The following GPC6 variants were observed in gnomAD, a reference collection of about 807,000 sequenced individuals.
GPC6 encodes the protein glypican 6, also known as glypican-6.
In GPC6, 14 loss-of-function variants were observed where a neutral mutation model predicts 55.2. The ratio of observed to expected loss-of-function variants is 0.25; its 90% confidence interval spans 0.17 to 0.40. The LOEUF is 0.40. GPC6 is among the 10% of genes least tolerant of loss of function. GPC6 has a pLI of 1.00. For synonymous variants in GPC6, 278 were observed against 259.6 expected, an observed-to-expected ratio of 1.07 and a Z score of -0.68; for missense variants, 641 against 708.5, an observed-to-expected ratio of 0.90 and a Z score of 1.08.
chr13:94,394,711 A>G (rs142022045), intron 7 of GPC6, among the ~76,000 whole-genome samples: 1 of 152,176 alleles, frequency 6.6e-6, no homozygotes, highest in African/African-American at 2.4e-5. Flanking sequence ...ATTTTCAGCT[A>G]TTTTAGGTTT....
At chr13:93,829,115 A>T (rs1314016554) in intron 2 of GPC6, among the ~76,000 whole-genome samples, 4 of 152,208 alleles carry the variant, frequency 2.6e-5, no homozygotes, top group African/African-American at 9.6e-5. Context: ...GACTATGAAG[A>T]GGTAAAGCAG....
At chr13:94,242,965 C>T (rs1891098655) in intron 4 of GPC6, among the ~76,000 whole-genome samples, 1 of 151,244 alleles carries the variant, frequency 6.6e-6, no homozygotes, top group South Asian at 2.1e-4. Context: ...AAAAAAAGTA[C>T]CACTTGTGGA....
chr13:94,273,459 A>T (rs1157919998), intron 4 of GPC6, among the ~76,000 whole-genome samples: 1 of 152,228 alleles, frequency 6.6e-6, no homozygotes, highest in Admixed American at 6.5e-5. Flanking sequence ...TGAGAGACTT[A>T]AAGAGAAGCT....
At chr13:93,444,069 A>C (rs1219378922) in intron 1 of GPC6, among the ~76,000 whole-genome samples, 1 of 152,180 alleles carries the variant, frequency 6.6e-6, no homozygotes, top group Admixed American at 6.5e-5. Flanking sequence ...CCAGCAGATA[A>C]TTATCAACAT....
chr13:93,901,762 G>C (rs911894538), intron 3 of GPC6, among the ~76,000 whole-genome samples: 8 of 151,746 alleles, frequency 5.3e-5, no homozygotes, highest in African/African-American at 1.9e-4. Context: ...GTAGCCGGGC[G>C]TGGTAGTGCG....
chr13:94,293,505 G>C (rs1477423375), intron 5 of GPC6, among the ~76,000 whole-genome samples: 2 of 152,178 alleles, frequency 1.3e-5, no homozygotes, highest in Admixed American at 1.3e-4. Flanking sequence ...GGGGAACTGT[G>C]AGTCAATTAA....
chr13:93,256,206 C>A (rs1164448924), intron 1 of GPC6, among the ~76,000 whole-genome samples: 2 of 147,894 alleles, frequency 1.4e-5, no homozygotes, highest in African/African-American at 5.0e-5. Context: ...ATACATGAAA[C>A]CTAATTTGCT....
rs1027940967 is a variant in GPC6 at position 94,145,122 on chromosome 13, T to C, written c.877+117228T>C. 3.0e-5 allele frequency among the ~76,000 whole-genome samples: 4 copies of C among 132,230 alleles called. No individual in the cohort carries two copies. In the South Asian group the frequency reaches 8.7e-4, roughly 29 times the overall value. The allele number at this position is 132,230 out of a possible 152,430, so 86.7% of individuals were successfully genotyped here. ...AAACACTCAACAAATATTTATTAAATGACTGGATGGATGGGTGGATGGATG... is the reference window on the plus strand; with the variant it reads ...AAACACTCAACAAATATTTATTAAACGACTGGATGGATGGGTGGATGGATG... On this transcript the variant is annotated intron_variant, in intron 4 of 8. Coordinates refer to ENST00000377047, the MANE Select transcript of GPC6 (RefSeq NM_005708.5).
chr13:93,995,749 C>T (rs752177024), intron 3 of GPC6, among the ~76,000 whole-genome samples: 1 of 152,098 alleles, frequency 6.6e-6, no homozygotes, highest in Non-Finnish European at 1.5e-5. Context: ...TATAAAGATA[C>T]CTTCTGAATA....
intron 4 of GPC6, among the ~76,000 whole-genome samples, chr13:94,190,177 G>T (rs1889341019): frequency 6.6e-6 from 1 of 151,844 alleles, no homozygotes; most frequent in South Asian, 2.1e-4. Context: ...ACAAAAATTA[G>T]CCAGGCATGG....
chr13:93,627,221 T>G (rs2074962303), intron 2 of GPC6, among the ~76,000 whole-genome samples: 1 of 152,096 alleles, frequency 6.6e-6, no homozygotes, highest in African/African-American at 2.4e-5. Context: ...TTCTCATTGT[T>G]CAGCTCCCAC....
chr13:94,273,724 G>A (rs893093387), intron 4 of GPC6, among the ~76,000 whole-genome samples: 4 of 152,146 alleles, frequency 2.6e-5, no homozygotes, highest in Admixed American at 2.6e-4. Flanking sequence ...GAGTTGCTTT[G>A]GGTTGGTCCA....
intron 1 of GPC6, among the ~76,000 whole-genome samples, chr13:93,487,949 T>C (rs1489305329): frequency 6.6e-6 from 1 of 152,136 alleles, no homozygotes; most frequent in Non-Finnish European, 1.5e-5. Flanking sequence ...ATCTATAACA[T>C]ATATATTATT....
At chr13:93,223,907 T>C (rs1875687197), upstream of GPC6, among the ~76,000 whole-genome samples, 3 of 142,832 alleles carry the variant, frequency 2.1e-5, no homozygotes, top group South Asian at 6.9e-4. Flanking sequence ...TTTTTTTTTT[T>C]TTTTTTTTTT....
chr13:93,740,797 C>G (rs1884174006), intron 2 of GPC6, among the ~76,000 whole-genome samples: 1 of 152,144 alleles, frequency 6.6e-6, no homozygotes, highest in South Asian at 2.1e-4. Flanking sequence ...AAATACAAGA[C>G]TCAAACAGTC....
intron 2 of GPC6, among the ~76,000 whole-genome samples, chr13:93,802,176 T>C (rs1312315643): frequency 6.6e-6 from 1 of 152,160 alleles, no homozygotes; most frequent in Non-Finnish European, 1.5e-5. Context: ...ACTTTTATCA[T>C]TATACAGTTT....
intron 1 of GPC6, among the ~76,000 whole-genome samples, chr13:93,407,293 T>C (rs903292489): frequency 1.7e-4 from 26 of 152,062 alleles, no homozygotes; most frequent in African/African-American, 6.3e-4. Context: ...AAAGCAAATA[T>C]GGCAAAAATA....
At chr13:93,745,281 T>A (rs1353214553) in intron 2 of GPC6, among the ~76,000 whole-genome samples, 1 of 152,180 alleles carries the variant, frequency 6.6e-6, no homozygotes, top group Non-Finnish European at 1.5e-5. Context: ...AGATGTTTTC[T>A]CAAGTCCCTC....
At chr13:94,315,038 T>C (rs938205723) in intron 6 of GPC6, among the ~76,000 whole-genome samples, 4 of 152,226 alleles carry the variant, frequency 2.6e-5, no homozygotes, top group African/African-American at 9.6e-5. Context: ...AATAACTTTA[T>C]TACTAAGTTC....
Sources: allele counts gnomAD v4.1 joint callset (sites outside exome capture counted in the v4.1 genomes callset), GRCh38; gene constraint gnomAD v4.1.1; transcripts MANE v1.5; gene names NCBI Gene and HGNC (gene_info 2026-07-23, HGNC 2026-07-21).